CPHXL2: variants seen among roughly 807,000 people sequenced by gnomAD.
CPHXL2 encodes the protein cytoplasmic polyadenylated homeobox like 2.
At chr16:75,671,700 T>G in the CPHXL2 span, among the ~76,000 whole-genome samples, 1 of 152,122 alleles carries the variant, frequency 6.6e-6, no homozygotes, top group Non-Finnish European at 1.5e-5. Flanking sequence ...ATGGGTGAAT[T>G]AAAACAAATA....
At chr16:75,665,018 A>G in the CPHXL2 span, among the ~76,000 whole-genome samples, 6 of 152,216 alleles carry the variant, frequency 3.9e-5, no homozygotes, top group Non-Finnish European at 5.9e-5. Context: ...GCAACAGAAA[A>G]GGCACTAGGA....
the CPHXL2 span, among the ~76,000 whole-genome samples, chr16:75,662,884 C>T: frequency 6.6e-6 from 1 of 151,344 alleles, no homozygotes; most frequent in African/African-American, 2.4e-5. Flanking sequence ...CTTCAAGCTC[C>T]GCCTCCCAGG....
At chr16:75,661,238 C>G in the CPHXL2 span, 1 of 400,736 alleles carries the variant, frequency 2.5e-6, no homozygotes, top group South Asian at 1.3e-4. Flanking sequence ...CTCTATTGTT[C>G]TGGAACCAGT....
At chr16:75,661,375 C>T in the CPHXL2 span, 6 of 396,818 alleles carry the variant, frequency 1.5e-5, no homozygotes, top group Non-Finnish European at 4.4e-6. Context: ...GACTTGCCTT[C>T]AGACATTAAG....
the CPHXL2 span, among the ~76,000 whole-genome samples, chr16:75,662,796 C>CTTTT: frequency 7.3e-5 from 9 of 123,130 alleles, no homozygotes; most frequent in Non-Finnish European, 1.2e-4. Flanking sequence ...GGAGATAATT[C>CTTTT]TTTTTTTTTT....
chr16:75,662,116 G>A, the CPHXL2 span, among the ~76,000 whole-genome samples: 138 of 152,148 alleles, frequency 9.1e-4, no homozygotes, highest in Non-Finnish European at 1.7e-3. Flanking sequence ...CTCCTTTTTG[G>A]GTTTGATTAA....
chr16:75,672,250 G>A, the CPHXL2 span, among the ~76,000 whole-genome samples: 3 of 151,132 alleles, frequency 2.0e-5, no homozygotes, highest in Non-Finnish European at 2.9e-5. Flanking sequence ...CTGCACTCCT[G>A]CCTGGGCTAC....
the CPHXL2 span, among the ~76,000 whole-genome samples, chr16:75,663,820 A>G: frequency 1.4e-5 from 2 of 146,536 alleles, no homozygotes; most frequent in African/African-American, 5.2e-5. Flanking sequence ...TGGGAGGCGG[A>G]GCTTACAGTG....
chr16:75,673,206 G>A, the CPHXL2 span, among the ~76,000 whole-genome samples: 59 of 151,782 alleles, frequency 3.9e-4, no homozygotes, highest in African/African-American at 1.3e-3. Flanking sequence ...AGGACCAGGC[G>A]GGCAGATCAC....
At chr16:75,674,094 C>T in the CPHXL2 span, among the ~76,000 whole-genome samples, 1 of 145,872 alleles carries the variant, frequency 6.9e-6, no homozygotes, top group South Asian at 2.2e-4. Flanking sequence ...TGTACTTTGG[C>T]TGGGGGTGGT....
chr16:75,664,100 T>G, the CPHXL2 span, among the ~76,000 whole-genome samples: 1 of 152,150 alleles, frequency 6.6e-6, no homozygotes, highest in African/African-American at 2.4e-5. Flanking sequence ...TGCCTATGAC[T>G]TGGAAGCCCC....
At chr16:75,668,607 CT>C in the CPHXL2 span, among the ~76,000 whole-genome samples, 198 of 152,240 alleles carry the variant, frequency 1.3e-3, 1 homozygote, top group African/African-American at 4.7e-3. Context: ...TGTTTCTGTC[CT>C]TTACATAAAA....
chr16:75,671,347 G>C, the CPHXL2 span, among the ~76,000 whole-genome samples: 1 of 125,536 alleles, frequency 8.0e-6, no homozygotes, highest in East Asian at 2.5e-4. Context: ...GAGTGATAGA[G>C]TAAGACTCTG....
the CPHXL2 span, among the ~76,000 whole-genome samples, chr16:75,663,879 C>G: frequency 9.7e-6 from 1 of 102,996 alleles, no homozygotes; most frequent in Non-Finnish European, 1.7e-5. Context: ...GAGCAAGACT[C>G]TGTCTCAAAA....
the CPHXL2 span, among the ~76,000 whole-genome samples, chr16:75,662,854 A>T: frequency 7.1e-6 from 1 of 141,542 alleles, no homozygotes; most frequent in South Asian, 2.2e-4. Flanking sequence ...GCTGGAGTGC[A>T]GTGGCGCAGT....
the CPHXL2 span, among the ~76,000 whole-genome samples, chr16:75,674,383 A>G: frequency 6.6e-6 from 1 of 151,608 alleles, no homozygotes; most frequent in Admixed American, 6.6e-5. Context: ...AAAAAAAAAA[A>G]AAAAAAAAAA....
At chr16:75,675,670 C>A in the CPHXL2 span, among the ~76,000 whole-genome samples, 1 of 152,208 alleles carries the variant, frequency 6.6e-6, no homozygotes, top group South Asian at 2.1e-4. Flanking sequence ...CCTATCAAAG[C>A]TTTGTGGTGA....
chr16:75,666,500 T>C, the CPHXL2 span, among the ~76,000 whole-genome samples: 1 of 147,264 alleles, frequency 6.8e-6, no homozygotes, highest in African/African-American at 2.5e-5. Flanking sequence ...TCCAGCTACG[T>C]GGGAGGCTGA....
At chr16:75,675,409 C>T in the CPHXL2 span, among the ~76,000 whole-genome samples, 1 of 151,904 alleles carries the variant, frequency 6.6e-6, no homozygotes, top group Non-Finnish European at 1.5e-5. Flanking sequence ...GAAATAAGCC[C>T]TCACATTTCC....
Sources: gnomAD v4.1 joint callset for allele counts (sites outside exome capture counted in the v4.1 genomes callset) on GRCh38, gnomAD v4.1.1 for gene constraint, MANE v1.5 for transcripts, NCBI Gene and HGNC (gene_info 2026-07-23, HGNC 2026-07-21) for gene names.